DYNC2I1: variants seen among roughly 807,000 people sequenced by gnomAD.
DYNC2I1 encodes cytoplasmic dynein 2 intermediate chain 1.
In DYNC2I1, 89 loss-of-function variants were observed where a neutral mutation model predicts 133.4. The observed-to-expected ratio is 0.67, with a 90% confidence interval of 0.56 to 0.80. The LOEUF is 0.80. Ranked by LOEUF, DYNC2I1 falls within the 30% of genes least tolerant of loss-of-function variation. The pLI, the probability that DYNC2I1 is intolerant of heterozygous loss-of-function variation, is 0.00. For missense variants in DYNC2I1, 1,291 were observed against 1,314.5 expected, an observed-to-expected ratio of 0.98 and a Z score of 0.28; for synonymous variants, 504 against 484.3, an observed-to-expected ratio of 1.04 and a Z score of -0.54.
chr7:158,881,207 G>A (rs1251833007), intron 5 of DYNC2I1, among the ~76,000 whole-genome samples: 2 of 152,140 alleles, frequency 1.3e-5, no homozygotes, highest in African/African-American at 4.8e-5. Flanking sequence ...AACCTCCCTC[G>A]CCTTTGCCCT....
At chr7:158,878,816 A>T (rs1843681947) in intron 4 of DYNC2I1, among the ~76,000 whole-genome samples, 1 of 135,166 alleles carries the variant, frequency 7.4e-6, no homozygotes. Context: ...TGGGGAGGCC[A>T]GGAGGGCCGA....
chr7:158,955,336 G>A (rs758644399), intron 4 of DYNC2I1, among the ~76,000 whole-genome samples: 4 of 152,288 alleles, frequency 2.6e-5, no homozygotes, highest in Non-Finnish European at 2.9e-5. Context: ...TGACCCTGCC[G>A]CACCTCTGCC....
chr7:158,922,021 C>T (rs899249188), intron 15 of DYNC2I1, among the ~76,000 whole-genome samples: 10 of 152,168 alleles, frequency 6.6e-5, no homozygotes, highest in African/African-American at 2.4e-4. Context: ...GGTGTATTAG[C>T]AATGTTCTAA....
chr7:158,841,989 G>A, the DYNC2I1 span, among the ~76,000 whole-genome samples: 2 of 152,282 alleles, frequency 1.3e-5, no homozygotes, highest in Non-Finnish European at 2.9e-5. Context: ...CATCCACGTC[G>A]TGTGTGACAT....
intron 11 of DYNC2I1, among the ~76,000 whole-genome samples, chr7:158,909,159 C>T (rs893208546): frequency 4.6e-5 from 7 of 151,488 alleles, no homozygotes; most frequent in South Asian, 4.2e-4. Flanking sequence ...GGTGAAACCC[C>T]GTGCCTACCA....
chr7:158,914,923 A>T (rs868739689), intron 14 of DYNC2I1, among the ~76,000 whole-genome samples: 1 of 152,240 alleles, frequency 6.6e-6, no homozygotes, highest in African/African-American at 2.4e-5. Flanking sequence ...ATTAGTAATA[A>T]CTTATAATGC....
chr7:158,890,627 C>T (rs374112750), intron 7 of DYNC2I1, among the ~76,000 whole-genome samples: 8 of 150,954 alleles, frequency 5.3e-5, no homozygotes, highest in African/African-American at 9.7e-5. Flanking sequence ...GACTGAGTTT[C>T]GCTCTTGTCG....
At chr7:158,894,788 A>C (rs995415270) in intron 8 of DYNC2I1, among the ~76,000 whole-genome samples, 1 of 152,208 alleles carries the variant, frequency 6.6e-6, no homozygotes, top group Non-Finnish European at 1.5e-5. Flanking sequence ...CACAGTGGCC[A>C]TAGGGTTTTG....
At chr7:158,954,109 G>C (rs939336684) in intron 4 of DYNC2I1, among the ~76,000 whole-genome samples, 1 of 152,118 alleles carries the variant, frequency 6.6e-6, no homozygotes. Flanking sequence ...TATTAAGGGC[G>C]GTTCCCCTGC....
At chr7:158,940,515 C>G (rs2129488547) in intron 23 of DYNC2I1, among the ~76,000 whole-genome samples, 1 of 152,302 alleles carries the variant, frequency 6.6e-6, no homozygotes, top group Non-Finnish European at 1.5e-5. Context: ...GAATATTTCT[C>G]TCAACTGCTG....
intron 1 of DYNC2I1, among the ~76,000 whole-genome samples, chr7:158,862,032 G>A (rs1841905317): frequency 6.6e-6 from 1 of 152,208 alleles, no homozygotes; most frequent in Admixed American, 6.5e-5. Flanking sequence ...CAGTCCTAAA[G>A]GCGGGAGCCA....
downstream of DYNC2I1, among the ~76,000 whole-genome samples, chr7:158,949,061 C>G (rs1178530676): frequency 2.0e-5 from 3 of 152,046 alleles, no homozygotes; most frequent in East Asian, 5.8e-4. Flanking sequence ...GCCCTGAGGT[C>G]CACGTCTGCC....
intron 23 of DYNC2I1, among the ~76,000 whole-genome samples, chr7:158,941,155 C>A (rs1185305798): frequency 6.6e-6 from 1 of 151,992 alleles, no homozygotes; most frequent in Admixed American, 6.6e-5. Context: ...ACAACTGAGC[C>A]CTCAGAAATA....
At chr7:158,905,140 CTTT>C (rs77389434) in intron 10 of DYNC2I1, 1,767 of 332,206 alleles carry the variant, frequency 5.3e-3, no homozygotes, top group East Asian at 9.2e-3. Flanking sequence ...CTTTCTTTTT[CTTT>C]TTTTTTTTTT....
chr7:158,847,982 C>T, the DYNC2I1 span, among the ~76,000 whole-genome samples: 250 of 152,294 alleles, frequency 1.6e-3, no homozygotes, highest in Non-Finnish European at 3.1e-3. Flanking sequence ...CTTTATTGGA[C>T]AGTATCCAAT....
At chr7:158,949,065 G>T (rs1044892715), downstream of DYNC2I1, among the ~76,000 whole-genome samples, 1 of 150,682 alleles carries the variant, frequency 6.6e-6, no homozygotes, top group African/African-American at 2.5e-5. Context: ...TGAGGTCCAC[G>T]TCTGCCCCCG....
chr7:158,871,738 A>G (rs1216934203), intron 3 of DYNC2I1, among the ~76,000 whole-genome samples, 176 bp downstream of exon 3: 5 of 151,638 alleles, frequency 3.3e-5, no homozygotes, highest in Non-Finnish European at 7.4e-5. Context: ...TGGTGCCATC[A>G]CAGCTCACGG....
upstream of DYNC2I1, among the ~76,000 whole-genome samples, chr7:158,852,293 T>C (rs887002182): frequency 3.3e-5 from 5 of 152,022 alleles, no homozygotes; most frequent in Non-Finnish European, 5.9e-5. Flanking sequence ...GGCTAATGTT[T>C]GTATTTTTGG....
At chr7:158,887,146 C>T (rs1844687974) in intron 7 of DYNC2I1, 71 bp downstream of exon 7, 4 of 1,518,842 alleles carry the variant, frequency 2.6e-6, no homozygotes, top group South Asian at 1.2e-5. Flanking sequence ...TTACTTTGGG[C>T]TTCCCCTTGA....
Sources: gnomAD v4.1 joint callset for allele counts (sites outside exome capture counted in the v4.1 genomes callset) on GRCh38, gnomAD v4.1.1 for gene constraint, MANE v1.5 for transcripts, NCBI Gene and HGNC (gene_info 2026-07-23, HGNC 2026-07-21) for gene names.